Variants in PARD3B observed in about 807,000 individuals in gnomAD.
PARD3B encodes par-3 family cell polarity regulator beta.
PARD3B carries 103 observed loss-of-function variants against 130.2 expected under a neutral mutation model. The observed-to-expected ratio is 0.79, with a 90% CI of 0.67 to 0.93. The LOEUF (loss-of-function observed/expected upper bound fraction) is 0.93. Among genes scored for constraint, PARD3B ranks in the 40% least tolerant of loss-of-function variants. The pLI is 0.00. For missense variants in PARD3B, 1,609 were observed against 1,499.2 expected (o/e 1.07, Z -1.21); for synonymous variants, 583 against 553.2 (o/e 1.05, Z -0.76).
At chr2:204,638,584 C>T (rs1211171293) in intron 1 of PARD3B, among the ~76,000 whole-genome samples, 3 of 152,064 alleles carry the variant, frequency 2.0e-5, no homozygotes, top group African/African-American at 4.8e-5. Context: ...ATAGTAGGAA[C>T]ATTTTATAGA....
rs1016692192 is a variant in PARD3B, at chr2:205,288,516, C to G, written c.2186-12014C>G. 6.6e-6 allele frequency among the ~76,000 whole-genome samples: 1 copy of G among 152,120 alleles called. No individual in the cohort carries two copies. Among genetic ancestry groups the G allele is most frequent in the Admixed American group, 6.5e-5 (1 of 15,272 alleles). Reference sequence around the variant, plus strand: ...TTCTCTGAATACCAATATCATCAAGCGTTTACTCTGGTAAAAAAACTTCAT... The same window carrying G: ...TTCTCTGAATACCAATATCATCAAGGGTTTACTCTGGTAAAAAAACTTCAT... On this transcript the variant is annotated intron_variant, in intron 16 of 22. Coordinates refer to ENST00000406610, the MANE Select transcript of PARD3B (RefSeq NM_001302769.2). This position sits in a 1 kb window ranked among gnomAD's most constrained non-coding sequence, Gnocchi z 4.0.
intron 2 of PARD3B, among the ~76,000 whole-genome samples, chr2:204,862,939 T>A (rs2045269015): frequency 6.6e-6 from 1 of 152,184 alleles, no homozygotes; most frequent in Non-Finnish European, 1.5e-5. Flanking sequence ...ACCCAGGAAC[T>A]GAAGAAGCCA....
chr2:204,668,825 T>C (rs1294633638), intron 1 of PARD3B, among the ~76,000 whole-genome samples: 1 of 152,104 alleles, frequency 6.6e-6, no homozygotes, highest in Non-Finnish European at 1.5e-5. Context: ...GATTGGTCAG[T>C]TTACTTTAAG....
At chr2:205,469,275 C>T (rs1361147674) in intron 20 of PARD3B, among the ~76,000 whole-genome samples, 1 of 152,128 alleles carries the variant, frequency 6.6e-6, no homozygotes, top group African/African-American at 2.4e-5. Flanking sequence ...ATTGGACATA[C>T]TCTTGGACTG....
At chr2:205,097,431 C>G (rs1289631689) in intron 4 of PARD3B, among the ~76,000 whole-genome samples, 1 of 152,122 alleles carries the variant, frequency 6.6e-6, no homozygotes, top group Non-Finnish European at 1.5e-5. Context: ...GTTTCCTTAG[C>G]TATAAAATGG....
intron 2 of PARD3B, among the ~76,000 whole-genome samples, chr2:204,807,420 C>T (rs7575734): frequency 0.017 from 2,519 of 152,166 alleles, 32 homozygotes; most frequent in African/African-American, 0.037. Context: ...ACAACCACTA[C>T]GGAGAACACT....
chr2:204,845,888 G>C (rs538228676), intron 2 of PARD3B, among the ~76,000 whole-genome samples: 18 of 152,084 alleles, frequency 1.2e-4, no homozygotes, highest in Middle Eastern at 3.4e-3. Context: ...CCTATATGCA[G>C]AATTGACATA....
intron 19 of PARD3B, among the ~76,000 whole-genome samples, chr2:205,432,356 A>G (rs1172094499): frequency 1.3e-5 from 2 of 152,118 alleles, no homozygotes; most frequent in African/African-American, 2.4e-5. Flanking sequence ...CTATTACTTC[A>G]CTGCTCGCAA....
In PARD3B at chr2:205,276,083, G is replaced by A. The variant is rs1179613751; in HGVS notation, c.2186-24447G>A. ...GTTAGTCTTAATACAAGTAACTGAA[G>A]TTGTTGCCTTCATTAAGGATTTCTG... On this transcript the variant is annotated intron_variant, in intron 16 of 22. Transcript: ENST00000406610. The surrounding 1 kb of genome is among the most constrained non-coding windows in gnomAD (Gnocchi z 5.0). Among the ~76,000 whole-genome samples, 1 of 152,150 alleles carries A rather than the reference G, an allele frequency of 6.6e-6. No individual in the cohort carries two copies. The highest frequency in any genetic ancestry group is 6.5e-5 in the Admixed American group (1 of 15,272).
At chr2:205,331,473 T>C (rs2043126555) in intron 18 of PARD3B, among the ~76,000 whole-genome samples, 1 of 152,022 alleles carries the variant, frequency 6.6e-6, no homozygotes, top group African/African-American at 2.4e-5. Context: ...CCACCCATCT[T>C]TTCTGTTCTT....
At chr2:205,058,240 C>T (rs1442524037) in intron 4 of PARD3B, among the ~76,000 whole-genome samples, 1 of 151,812 alleles carries the variant, frequency 6.6e-6, no homozygotes, top group East Asian at 1.9e-4. Flanking sequence ...AAGCATCATC[C>T]ATGTTGTAGC....
In PARD3B at chr2:205,124,406, T is replaced by G; in HGVS notation, c.1245T>G (p.Ile415Met). ...CCGGTCCCATTTTTGTAAAAAACAT[T>G]TTACCAAAGGGAGCAGCAATAAAAG... ...HGPGPIFVKN[I>M]LPKGAAIKDG... The change falls in exon 9 of 23, where the codon ATT (isoleucine) becomes ATG (methionine). Residue 415 changes from isoleucine to methionine, a missense_variant. Ile to Met is a conservative substitution (Grantham distance 10). Coordinates refer to ENST00000406610, the MANE Select transcript of PARD3B (RefSeq NM_001302769.2). 1.2e-6 allele frequency: 2 copies of G among 1,607,780 alleles called. No homozygotes were observed. Among genetic ancestry groups the G allele is most frequent in the Non-Finnish European group, 1.7e-6 (2 of 1,176,760 alleles).
chr2:205,156,325 A>G (rs13401951), intron 10 of PARD3B, among the ~76,000 whole-genome samples: 4,214 of 150,266 alleles, frequency 0.028, 73 homozygotes, highest in Middle Eastern at 0.049. Context: ...TGACGAGTTA[A>G]TGGGTGCAGC....
intron 20 of PARD3B, among the ~76,000 whole-genome samples, chr2:205,479,506 G>A (rs2049146847): frequency 6.6e-6 from 1 of 152,200 alleles, no homozygotes. Context: ...ACAAAGCACT[G>A]AGGGAATTCC....
At chr2:205,098,777 C>T (rs1212809475) in intron 4 of PARD3B, among the ~76,000 whole-genome samples, 1 of 152,110 alleles carries the variant, frequency 6.6e-6, no homozygotes, top group East Asian at 1.9e-4. Context: ...GTTGTTAGCG[C>T]TAGTGCTAAC....
At chr2:205,277,528 T>C (rs2040997543) in intron 16 of PARD3B, among the ~76,000 whole-genome samples, 1 of 152,186 alleles carries the variant, frequency 6.6e-6, no homozygotes, top group East Asian at 1.9e-4. Context: ...ATTTCTTTTT[T>C]GACATAGAAG....
intron 21 of PARD3B, among the ~76,000 whole-genome samples, chr2:205,508,986 GCTTTGGCC>G (rs749430181): frequency 2.8e-4 from 42 of 150,868 alleles, no homozygotes; most frequent in Admixed American, 8.5e-4. Flanking sequence ...TTGGTTAGTG[GCTTTGGCC>G]CTTTTATATT....
chr2:204,671,477 G>A (rs930544578), intron 1 of PARD3B, among the ~76,000 whole-genome samples: 8 of 152,078 alleles, frequency 5.3e-5, no homozygotes, highest in Admixed American at 1.3e-4. Context: ...AGACCCTGTC[G>A]AAGTAGATAG....
intron 4 of PARD3B, among the ~76,000 whole-genome samples, chr2:205,085,308 T>C (rs1253020765): frequency 6.6e-6 from 1 of 152,072 alleles, no homozygotes; most frequent in Non-Finnish European, 1.5e-5. Context: ...CCTTTCAATG[T>C]TGTCATATTT....
Sources: gnomAD v4.1 joint callset for allele counts (sites outside exome capture counted in the v4.1 genomes callset) on GRCh38, gnomAD v4.1.1 for gene constraint, Gnocchi (gnomAD v3.1) non-coding constraint, MANE v1.5 for transcripts, NCBI Gene and HGNC (gene_info 2026-07-23, HGNC 2026-07-21) for gene names.